Variants in MON2 observed in about 807,000 individuals in gnomAD.
The protein encoded by MON2 is protein MON2 homolog.
In MON2, 84 loss-of-function variants were observed where a neutral mutation model predicts 208.6. The observed-to-expected ratio is 0.40, with a 90% confidence interval of 0.34 to 0.48. The LOEUF is 0.48. Among genes scored for constraint, MON2 ranks in the 20% least tolerant of loss-of-function variants. The probability of loss-of-function intolerance (pLI) is 0.59; values close to 1 mark genes in which losing one functional copy is unlikely to be tolerated. For missense variants in MON2, 1,611 were observed against 2,015.4 expected, an observed-to-expected ratio of 0.80 and a Z score of 3.84; for synonymous variants, 660 against 694.0, an observed-to-expected ratio of 0.95 and a Z score of 0.77.
Position 62,596,097 on chromosome 12 carries a change from C to T in MON2, c.*3348C>T, listed in dbSNP as rs887223210. On this transcript the variant is annotated 3_prime_UTR_variant, in exon 35 of 35. Transcript: ENST00000393630. ...ATTGTCACAATTTGGTACCACTAGT[C>T]CCAGGTAACCATTGGGCCAAAGGAT... is the stretch of plus-strand genomic sequence containing the variant. 1 of 152,106 alleles carries T rather than the reference C, an allele frequency of 6.6e-6. No homozygotes were observed. The highest frequency in any genetic ancestry group is 6.5e-5 in the Admixed American group (1 of 15,268). 9.4% of individuals were successfully genotyped at this position (152,106 alleles called of 1,614,324 possible). A position where few individuals can be genotyped will look rare whatever the true frequency, so the allele number is the denominator to read the frequency against.
chr12:62,471,855 C>G (rs546938838), intron 1 of MON2, among the ~76,000 whole-genome samples: 16 of 152,298 alleles, frequency 1.1e-4, no homozygotes, highest in Admixed American at 5.2e-4. Context: ...GACACATTAC[C>G]TTCTGACAGA....
chr12:62,554,197 A>G (rs1405262742), intron 24 of MON2, among the ~76,000 whole-genome samples: 6 of 152,086 alleles, frequency 3.9e-5, no homozygotes, highest in African/African-American at 1.4e-4. Context: ...CTAATTCTTA[A>G]TGATTTTTTT....
intron 32 of MON2, among the ~76,000 whole-genome samples, chr12:62,584,705 C>CAAAAAA (rs1226172058): frequency 4.1e-4 from 29 of 71,244 alleles, no homozygotes; most frequent in South Asian, 5.6e-4. Context: ...TCTGTCTCAA[C>CAAAAAA]AAAAAAAAAA....
chr12:62,501,246 A>C (rs2070813758), intron 6 of MON2, among the ~76,000 whole-genome samples: 1 of 152,206 alleles, frequency 6.6e-6, no homozygotes, highest in Admixed American at 6.5e-5. Context: ...TGAATAAATA[A>C]TTTTAGGTAA....
intron 33 of MON2, chr12:62,585,713 A>G (rs1223784553): frequency 2.4e-6 from 1 of 411,824 alleles, no homozygotes; most frequent in Non-Finnish European, 4.4e-6. Flanking sequence ...TAGATCCCTC[A>G]TGGAGATTAT....
At chr12:62,495,238 C>A in intron 4 of MON2, 91 bp downstream of exon 4, 1 of 1,139,620 alleles carries the variant, frequency 8.8e-7, no homozygotes, top group Non-Finnish European at 1.2e-6. Flanking sequence ...CCATTTGAAC[C>A]AAAAGCAACT....
intron 3 of MON2, 124 bp downstream of exon 3, chr12:62,494,166 A>C: frequency 1.1e-6 from 1 of 877,240 alleles, no homozygotes; most frequent in Non-Finnish European, 1.6e-6. Flanking sequence ...CTCGGAGAAA[A>C]TGGCTTTATT....
intron 30 of MON2, among the ~76,000 whole-genome samples, chr12:62,577,190 G>T (rs1438907169): frequency 6.6e-6 from 1 of 151,992 alleles, no homozygotes; most frequent in Non-Finnish European, 1.5e-5. Flanking sequence ...TTTGATGGCA[G>T]TGATTGTGAA....
intron 2 of MON2, among the ~76,000 whole-genome samples, 154 bp downstream of exon 2, chr12:62,484,387 A>G (rs945161738): frequency 1.1e-4 from 16 of 152,218 alleles, no homozygotes; most frequent in African/African-American, 3.9e-4. Flanking sequence ...GCAAAAGTCC[A>G]TAACTTATGA....
rs1349240016 is a variant in MON2 at position 62,524,614 on chromosome 12, T to C, written c.1084T>C (p.Phe362Leu). The change falls in exon 9 of 35, where the codon TTC becomes CTC. Residue 362 changes from phenylalanine (F) to leucine (L), a missense_variant. Physicochemically the swap from Phe to Leu is conservative, Grantham distance 22. Coordinates refer to ENST00000393630, the MANE Select transcript of MON2 (RefSeq NM_015026.3). ...TGTTGCGGTGGAATCAATACACAGA[T>C]TCTGTGTGCAGCCTCAACTATTAAG... ...RAVAVESIHR[F>L]CVQPQLLRSF... The C allele has an allele frequency of 6.2e-7, 1 of 1,613,296 alleles. No homozygotes were observed. The highest frequency in any genetic ancestry group is 1.1e-5 in the South Asian group (1 of 90,996).
At chr12:62,472,383 G>C (rs1358655860) in intron 1 of MON2, among the ~76,000 whole-genome samples, 1 of 152,290 alleles carries the variant, frequency 6.6e-6, no homozygotes, top group African/African-American at 2.4e-5. Context: ...AGTTTAGGTG[G>C]TCAGAATTAG....
At chr12:62,534,542 A>AATATATATATATATATATATATAT (rs71882879) in intron 12 of MON2, among the ~76,000 whole-genome samples, 2 of 22,850 alleles carry the variant, frequency 8.8e-5, no homozygotes, top group Non-Finnish European at 1.5e-4. Flanking sequence ...AAAAAAAAAA[A>AATATATATATATATATATATATAT]ATATATATAT....
intron 8 of MON2, among the ~76,000 whole-genome samples, chr12:62,519,971 A>C (rs1294685350): frequency 1.3e-5 from 2 of 152,086 alleles, no homozygotes; most frequent in African/African-American, 2.4e-5. Context: ...GCCTGCCACC[A>C]CGCCCGGCTA....
chr12:62,596,610 A>T lies in MON2; in HGVS notation c.*3861A>T, dbSNP rs143838487. Reference sequence around the variant, plus strand: ...CTGGGTTGTATTTATCTACATTATTAGAGGGAATTTTTATTTTAAAAAAAT... The same window carrying T: ...CTGGGTTGTATTTATCTACATTATTTGAGGGAATTTTTATTTTAAAAAAAT... On this transcript the variant is annotated 3_prime_UTR_variant, in exon 35 of 35. Transcript: ENST00000393630. The T allele has an allele frequency of 6.6e-6, 1 of 152,216 alleles. No homozygotes were observed. The highest frequency in any genetic ancestry group is 1.9e-4 in the East Asian group (1 of 5,202). The allele number at this position is 152,216 out of a possible 1,614,324, so 9.4% of individuals were successfully genotyped here. A position where few individuals can be genotyped will look rare whatever the true frequency, so the allele number is the denominator to read the frequency against.
intron 30 of MON2, among the ~76,000 whole-genome samples, chr12:62,572,266 C>T (rs2074619665): frequency 6.6e-6 from 1 of 152,210 alleles, no homozygotes; most frequent in South Asian, 2.1e-4. Flanking sequence ...CCACGGGTGA[C>T]TAGCAGCTGC....
At chr12:62,576,074 A>G (rs1026874423) in intron 30 of MON2, among the ~76,000 whole-genome samples, 9 of 152,218 alleles carry the variant, frequency 5.9e-5, no homozygotes, top group African/African-American at 1.9e-4. Context: ...TGAATGTAAT[A>G]TAGTAGCAAA....
intron 2 of MON2, among the ~76,000 whole-genome samples, chr12:62,491,684 A>G (rs2070149721): frequency 6.6e-6 from 1 of 152,144 alleles, no homozygotes; most frequent in South Asian, 2.1e-4. Flanking sequence ...TTTACTACCT[A>G]CTTACTATAT....
chr12:62,524,107 GTTTCTTTAGTAGCA>G (rs1357361399), intron 8 of MON2, among the ~76,000 whole-genome samples: 2 of 152,004 alleles, frequency 1.3e-5, no homozygotes, highest in Non-Finnish European at 2.9e-5. Context: ...TTGCCTCTTT[GTTTCTTTAGTAGCA>G]AAAGAAAGTA....
chr12:62,467,199 T>C lies in MON2; in HGVS notation c.-9T>C. ...ACCTCTCGGAAATTGGCTGGGACCT[T>C]GGAGGATCATGTCCGGCACCAGCAG... On this transcript the variant is annotated 5_prime_UTR_variant, in exon 1 of 35. Coordinates refer to ENST00000393630, the MANE Select transcript of MON2 (RefSeq NM_015026.3). 6.2e-7 allele frequency: 1 copy of C among 1,610,402 alleles called. No homozygotes were observed. The highest frequency in any genetic ancestry group is 8.5e-7 in the Non-Finnish European group (1 of 1,179,508).
Sources: gnomAD v4.1 joint callset for allele counts (sites outside exome capture counted in the v4.1 genomes callset) on GRCh38, gnomAD v4.1.1 for gene constraint, MANE v1.5 for transcripts, NCBI Gene and HGNC (gene_info 2026-07-23, HGNC 2026-07-21) for gene names.